The following SYTL2 variants were observed in gnomAD, a reference collection of about 807,000 sequenced individuals.
SYTL2 encodes the protein synaptotagmin like 2.
A neutral mutation model predicts 198.7 loss-of-function variants in SYTL2; 165 were observed. That is an observed-to-expected ratio of 0.83 (90% CI 0.73 to 0.94). SYTL2 has a LOEUF of 0.94. Ranked by LOEUF, SYTL2 falls within the 40% of genes least tolerant of loss-of-function variation. SYTL2 has a pLI of 0.00. For synonymous variants in SYTL2, 966 were observed against 917.7 expected, an observed-to-expected ratio of 1.05 and a Z score of -0.95; for missense variants, 2,835 against 2,582.8, an observed-to-expected ratio of 1.10 and a Z score of -2.12.
Position 85,696,200 on chromosome 11 carries a change from C to G in SYTL2, c.6557G>C (p.Arg2186Pro). The G allele has an allele frequency of 1.9e-6, 3 of 1,614,076 alleles. No individual in the cohort carries two copies. The highest frequency in any genetic ancestry group is 1.1e-5 in the South Asian group (1 of 91,076). Residue 2186 changes from arginine to proline, a missense_variant, in exon 19 of 20, where the codon CGT becomes CCT. By Grantham distance (103) the Arg-to-Pro change is moderately radical. Around this residue, in one of 3 missense-constraint regions of SYTL2, gnomAD observed 185 missense variants for 182.1 expected, o/e 1.02. Transcript: ENST00000359152. The part of the protein sequence containing the change: ...KLTNQFLGGL[R>P]IGFGTGKSYG... ...AACAGTACCTGTTCCAAAGCCAATA[C>G]GAAGACCTCCCAAAAATTGGTTGGT...
At chr11:85,819,733 T>A in the SYTL2 span, among the ~76,000 whole-genome samples, 1 of 152,220 alleles carries the variant, frequency 6.6e-6, no homozygotes, top group Non-Finnish European at 1.5e-5. Flanking sequence ...ACAACTTCCA[T>A]TCAACTGGAT....
chr11:85,743,618 C>T (rs2090953090), intron 4 of SYTL2, among the ~76,000 whole-genome samples: 1 of 152,100 alleles, frequency 6.6e-6, no homozygotes, highest in Admixed American at 6.5e-5. Context: ...TGAAGTCACA[C>T]AAGGAATGCA....
intron 1 of SYTL2, among the ~76,000 whole-genome samples, chr11:85,799,623 C>T (rs1251101041): frequency 4.6e-5 from 7 of 152,210 alleles, no homozygotes; most frequent in East Asian, 1.9e-4. Flanking sequence ...GAACATGAAA[C>T]CATGCTTGCC....
chr11:85,791,442 C>T (rs957901808), intron 1 of SYTL2, among the ~76,000 whole-genome samples: 7 of 152,132 alleles, frequency 4.6e-5, no homozygotes, highest in African/African-American at 1.4e-4. Context: ...CAATACCTAG[C>T]TATGTGACTC....
Position 85,803,446 on chromosome 11 carries a change from A to G in SYTL2, c.-390+7508T>C, listed in dbSNP as rs144142458. 1.8e-4 allele frequency among the ~76,000 whole-genome samples: 27 copies of G among 152,312 alleles called. No homozygotes were observed. In the East Asian group the frequency reaches 5.2e-3, roughly 29 times the overall value. On this transcript the variant is annotated intron_variant, in intron 1 of 19. Coordinates refer to ENST00000359152, the MANE Select transcript of SYTL2 (RefSeq NM_206927.4). ...TAGTCCTGGGTGGTGCTGCTTCATA[A>G]CTGCAGGAATAAGTGGCTGACTCCT... is the stretch of plus-strand genomic sequence containing the variant.
In SYTL2 at chr11:85,748,311, T is replaced by A. The variant is rs750151340; in HGVS notation, c.214A>T (p.Ile72Phe). The A allele has an allele frequency of 2.5e-6, 4 of 1,614,012 alleles. No individual in the cohort carries two copies. The East Asian group carries it at 6.7e-5, about 27-fold the overall frequency. The change falls in exon 3 of 20, where the codon ATC becomes TTC. Residue 72 changes from isoleucine (I) to phenylalanine (F), a missense_variant. By Grantham distance (21) the Ile-to-Phe change is conservative. Around this residue, in one of 3 missense-constraint regions of SYTL2, gnomAD observed 2,645 missense variants for 2,381.7 expected, o/e 1.11. Coordinates refer to ENST00000359152, the MANE Select transcript of SYTL2 (RefSeq NM_206927.4). The part of the protein sequence containing the change: ...HRDKIHGADI[I>F]RASMRKKRPQ... ...CTCTTCTTTCTCATAGATGCTCTGATGATATCTGCGCCATGGATTTTGTCC... is the reference window on the plus strand; with the variant it reads ...CTCTTCTTTCTCATAGATGCTCTGAAGATATCTGCGCCATGGATTTTGTCC...
intron 7 of SYTL2, among the ~76,000 whole-genome samples, chr11:85,728,372 C>T (rs2089458015): frequency 6.6e-6 from 1 of 152,150 alleles, no homozygotes; most frequent in South Asian, 2.1e-4. Flanking sequence ...CTGCAACCTC[C>T]GCCTCCCAGG....
At position 85,801,188 on chromosome 11, in the gene SYTL2, G is replaced by C. The variant is rs191781092; in HGVS notation, c.-390+9766C>G. ...CCACAATAGTGCATGCTAAGCACAAGAAATTCTACAAAGCACTAACCAAAT... is the reference window on the plus strand; with the variant it reads ...CCACAATAGTGCATGCTAAGCACAACAAATTCTACAAAGCACTAACCAAAT... On this transcript the variant is annotated intron_variant, in intron 1 of 19. Coordinates refer to ENST00000359152, the MANE Select transcript of SYTL2 (RefSeq NM_206927.4). 4.6e-4 allele frequency among the ~76,000 whole-genome samples: 70 copies of C among 152,220 alleles called. 1 individual carries two copies. The highest frequency in any genetic ancestry group is 6.2e-4 in the South Asian group (3 of 4,830).
the SYTL2 span, among the ~76,000 whole-genome samples, chr11:85,846,148 C>T: frequency 6.6e-6 from 1 of 152,180 alleles, no homozygotes; most frequent in Non-Finnish European, 1.5e-5. Context: ...TGGTGGACCA[C>T]AGTACCTATA....
chr11:85,730,529 G>A (rs546675651), intron 7 of SYTL2, among the ~76,000 whole-genome samples: 60 of 152,070 alleles, frequency 3.9e-4, no homozygotes, highest in Non-Finnish European at 5.7e-4. Flanking sequence ...AAAGGCCTTC[G>A]AAAAAATTCA....
intron 1 of SYTL2, among the ~76,000 whole-genome samples, chr11:85,784,783 T>C (rs1409042053): frequency 2.0e-5 from 3 of 152,088 alleles, no homozygotes; most frequent in Non-Finnish European, 4.4e-5. Context: ...ACGCAAAGAA[T>C]TATACAAAAA....
chr11:85,810,170 G>T (rs183457428), intron 1 of SYTL2, among the ~76,000 whole-genome samples: 7 of 152,282 alleles, frequency 4.6e-5, no homozygotes, highest in Admixed American at 3.9e-4. Context: ...TTCTTATCTA[G>T]GCTTCTATCT....
chr11:85,715,324 C>T (rs184809843), intron 11 of SYTL2, among the ~76,000 whole-genome samples: 95 of 152,210 alleles, frequency 6.2e-4, no homozygotes, highest in African/African-American at 1.8e-3. Context: ...TGGTGAATCA[C>T]AGCTCTTATA....
At chr11:85,774,150 TA>T (rs2092410561) in intron 1 of SYTL2, among the ~76,000 whole-genome samples, 1 of 152,222 alleles carries the variant, frequency 6.6e-6, no homozygotes, top group African/African-American at 2.4e-5. Context: ...TTATAGAAAA[TA>T]AAAAACTAAA....
intron 1 of SYTL2, among the ~76,000 whole-genome samples, chr11:85,797,859 G>T (rs893738016): frequency 6.6e-6 from 1 of 151,466 alleles, no homozygotes; most frequent in African/African-American, 2.4e-5. Context: ...TGTTGTTGTT[G>T]TTCTTGCTGC....
At chr11:85,702,164 G>A (rs904285626) in intron 16 of SYTL2, among the ~76,000 whole-genome samples, 2 of 151,474 alleles carry the variant, frequency 1.3e-5, no homozygotes, top group African/African-American at 4.8e-5. Context: ...TAAACCTTGG[G>A]AATAGGGCTC....
intron 1 of SYTL2, among the ~76,000 whole-genome samples, chr11:85,773,927 C>A (rs2092406473): frequency 6.6e-6 from 1 of 151,208 alleles, no homozygotes; most frequent in Admixed American, 6.6e-5. Flanking sequence ...CTTAAAAAGG[C>A]AATTCAAAGT....
chr11:85,816,019 G>A (rs1397403836), upstream of SYTL2, among the ~76,000 whole-genome samples: 2 of 152,038 alleles, frequency 1.3e-5, no homozygotes, highest in Non-Finnish European at 2.9e-5. Context: ...CAAAAAATTA[G>A]CCAGGTGTGG....
chr11:85,816,476 GGGA>G, the SYTL2 span, among the ~76,000 whole-genome samples: 1 of 152,226 alleles, frequency 6.6e-6, no homozygotes, highest in Non-Finnish European at 1.5e-5. Context: ...CCAGGGGCTA[GGGA>G]GGAGAAGGTA....
Sources: allele counts gnomAD v4.1 joint callset (sites outside exome capture counted in the v4.1 genomes callset), GRCh38; gene constraint gnomAD v4.1.1; regional missense constraint gnomAD v4.1.1; transcripts MANE v1.5; gene names NCBI Gene and HGNC (gene_info 2026-07-23, HGNC 2026-07-21).